The following RHOBTB1 variants were observed in gnomAD, a reference collection of about 807,000 sequenced individuals.
RHOBTB1 encodes the protein rho-related BTB domain-containing protein 1.
A neutral mutation model predicts 71.6 loss-of-function variants in RHOBTB1; 40 were observed. The observed-to-expected ratio is 0.56, with a 90% CI of 0.43 to 0.73. The LOEUF (loss-of-function observed/expected upper bound fraction) is 0.73, where lower values mean the gene tolerates loss of function less well. RHOBTB1 is among the 30% of genes least tolerant of loss of function. The pLI is 0.00. For synonymous variants in RHOBTB1, 319 were observed against 334.9 expected (o/e 0.95, Z 0.52); for missense variants, 797 against 894.0 (o/e 0.89, Z 1.38).
chr10:60,926,484 T>C (rs932199861), intron 2 of RHOBTB1, among the ~76,000 whole-genome samples: 3 of 152,132 alleles, frequency 2.0e-5, no homozygotes, highest in South Asian at 2.1e-4. Context: ...TTCCTCAATA[T>C]AATGCTAGCA....
chr10:60,882,018 A>G lies in RHOBTB1; in HGVS notation c.1576-3960T>C, dbSNP rs201431886. 1.4e-4 allele frequency among the ~76,000 whole-genome samples: 22 copies of G among 152,206 alleles called. No homozygotes were observed. In the East Asian group the frequency reaches 4.0e-3, roughly 28 times the overall value. On this transcript the variant is annotated intron_variant, in intron 7 of 10. Transcript: ENST00000337910. ...AACTAAGAACACTTTTGGAACATGCATTTTTTCCCCTCATGGCTGATTTTT... is the reference window on the plus strand; with the variant it reads ...AACTAAGAACACTTTTGGAACATGCGTTTTTTCCCCTCATGGCTGATTTTT...
intron 6 of RHOBTB1, among the ~76,000 whole-genome samples, chr10:60,887,880 G>C (rs1229309983): frequency 6.6e-6 from 1 of 152,166 alleles, no homozygotes; most frequent in African/African-American, 2.4e-5. Context: ...GAGCAGTGTG[G>C]TACCATGGTG....
chr10:60,902,564 T>C (rs1052100537), intron 4 of RHOBTB1, among the ~76,000 whole-genome samples: 3 of 152,110 alleles, frequency 2.0e-5, no homozygotes, highest in African/African-American at 7.2e-5. Flanking sequence ...ACAAAAGGCA[T>C]TACCAAAAAA....
chr10:60,873,664 A>C (rs2080907754), intron 9 of RHOBTB1, among the ~76,000 whole-genome samples: 1 of 152,196 alleles, frequency 6.6e-6, no homozygotes, highest in African/African-American at 2.4e-5. Flanking sequence ...CAGGTTATAA[A>C]CCATCCCCTG....
At chr10:60,924,459 T>C (rs2083749847) in intron 2 of RHOBTB1, among the ~76,000 whole-genome samples, 1 of 152,078 alleles carries the variant, frequency 6.6e-6, no homozygotes, top group South Asian at 2.1e-4. Flanking sequence ...CAAGAGGATA[T>C]AGCAGTCAAC....
chr10:60,908,100 TGTG>T (rs2082770977), intron 4 of RHOBTB1, among the ~76,000 whole-genome samples: 1 of 152,210 alleles, frequency 6.6e-6, no homozygotes, highest in African/African-American at 2.4e-5. Flanking sequence ...GCAATAACAC[TGTG>T]GTTATACCAC....
Position 60,910,956 on chromosome 10 carries a change from A to G in RHOBTB1, c.227T>C (p.Val76Ala). ...ATCCCAAAGCCTGAGAGAAACACTCACTTCATCAACAACATCCCGAGAACG... is the reference window on the plus strand; with the variant it reads ...ATCCCAAAGCCTGAGAGAAACACTCGCTTCATCAACAACATCCCGAGAACG... ...LERSRDVVDE[V>A]SVSLRLWDTF... Residue 76 changes from valine to alanine, a missense_variant, in exon 4 of 11, where the codon GTG becomes GCG. Val to Ala is a moderately conservative substitution (Grantham distance 64, BLOSUM62 0). Coordinates refer to ENST00000337910, the MANE Select transcript of RHOBTB1 (RefSeq NM_014836.5). The G allele has an allele frequency of 6.2e-7, 1 of 1,614,116 alleles. No homozygotes were observed. The highest frequency in any genetic ancestry group is 8.5e-7 in the Non-Finnish European group (1 of 1,180,010).
intron 9 of RHOBTB1, among the ~76,000 whole-genome samples, chr10:60,872,891 C>T (rs191987713): frequency 1.4e-4 from 22 of 152,224 alleles, no homozygotes; most frequent in Non-Finnish European, 3.1e-4. Context: ...AGACTAGATC[C>T]TCAAAAATCA....
chr10:60,974,703 A>T (rs909030162), intron 2 of RHOBTB1, among the ~76,000 whole-genome samples: 5 of 152,052 alleles, frequency 3.3e-5, no homozygotes, highest in African/African-American at 1.2e-4. Context: ...AGTTGATTCT[A>T]GACAGAGACA....
At chr10:60,970,015 G>C (rs919366494) in intron 2 of RHOBTB1, among the ~76,000 whole-genome samples, 6 of 152,038 alleles carry the variant, frequency 3.9e-5, no homozygotes, top group Non-Finnish European at 5.9e-5. Flanking sequence ...TTGACACATA[G>C]AAGGCCAACT....
At chr10:60,940,155 T>C (rs2084823553) in intron 2 of RHOBTB1, among the ~76,000 whole-genome samples, 1 of 152,208 alleles carries the variant, frequency 6.6e-6, no homozygotes, top group African/African-American at 2.4e-5. Context: ...ATAATATCCC[T>C]TTAAATGCTT....
chr10:60,862,016 A>T, the RHOBTB1 span, among the ~76,000 whole-genome samples: 1 of 152,036 alleles, frequency 6.6e-6, no homozygotes, highest in Non-Finnish European at 1.5e-5. Context: ...TAAAACTAGG[A>T]GTCAGGTCGG....
At position 60,949,764 on chromosome 10, in the gene RHOBTB1, A is replaced by G. The variant is rs114598647; in HGVS notation, c.-61-7910T>C. Among the ~76,000 whole-genome samples, 1,136 of 147,278 alleles carry G rather than the reference A, an allele frequency of 7.7e-3. 11 individuals are homozygous for G. Among genetic ancestry groups the G allele is most frequent in the African/African-American group, 0.028 (1,101 of 39,878 alleles). ...AATGGATCTATTCTTGGCATTTCCT[A>G]TGATTACCCATTTAAAGACAGAAGC... On this transcript the variant is annotated intron_variant, in intron 2 of 11. Transcript: ENST00000357917.
chr10:60,896,772 C>G (rs1211304715), intron 4 of RHOBTB1, among the ~76,000 whole-genome samples: 1 of 152,062 alleles, frequency 6.6e-6, no homozygotes, highest in Admixed American at 6.6e-5. Context: ...ACTAAGACAT[C>G]AAATAATGTC....
chr10:60,918,783 G>C (rs111637879), intron 2 of RHOBTB1, among the ~76,000 whole-genome samples: 1 of 140,634 alleles, frequency 7.1e-6, no homozygotes, highest in South Asian at 2.2e-4. Flanking sequence ...TTTCACTCTT[G>C]TTGCCAGGCT....
chr10:60,915,104 A>G (rs900342317), intron 2 of RHOBTB1, among the ~76,000 whole-genome samples: 3 of 152,234 alleles, frequency 2.0e-5, no homozygotes, highest in African/African-American at 7.2e-5. Context: ...CAAGGATGGA[A>G]ACTCATGCTA....
intron 1 of RHOBTB1, among the ~76,000 whole-genome samples, chr10:60,999,996 A>G (rs2087201277): frequency 6.6e-6 from 1 of 152,252 alleles, no homozygotes; most frequent in Admixed American, 6.5e-5. Flanking sequence ...TGTTTAATTG[A>G]CAGGAAACAT....
At chr10:60,886,050 A>G in intron 7 of RHOBTB1, 62 bp downstream of exon 7, 6 of 1,241,866 alleles carry the variant, frequency 4.8e-6, no homozygotes, top group Non-Finnish European at 4.7e-6. Context: ...CCCACTTTAT[A>G]TAAATACACA....
chr10:60,964,242 G>A (rs2085881909), intron 2 of RHOBTB1, among the ~76,000 whole-genome samples: 1 of 152,108 alleles, frequency 6.6e-6, no homozygotes, highest in South Asian at 2.1e-4. Flanking sequence ...GCTCACAGAA[G>A]ACAGATTTGT....
Sources: gnomAD v4.1 joint callset for allele counts (sites outside exome capture counted in the v4.1 genomes callset) on GRCh38, gnomAD v4.1.1 for gene constraint, MANE v1.5 for transcripts, NCBI Gene and HGNC (gene_info 2026-07-23, HGNC 2026-07-21) for gene names.